The following NEGR1 variants were observed in gnomAD, a reference collection of about 807,000 sequenced individuals.
The protein encoded by NEGR1 is neuronal growth regulator 1.
NEGR1 carries 10 observed loss-of-function variants against 40.9 expected under a neutral mutation model. The ratio of observed to expected loss-of-function variants is 0.24; its 90% CI spans 0.15 to 0.42. NEGR1 has a LOEUF of 0.42. Among genes scored for constraint, NEGR1 ranks in the 10% least tolerant of loss-of-function variants. The pLI is 1.00. For missense variants in NEGR1, 352 were observed against 438.9 expected (o/e 0.80, Z 1.77); for synonymous variants, 185 against 166.8 (o/e 1.11, Z -0.84).
intron 1 of NEGR1, among the ~76,000 whole-genome samples, chr1:72,232,810 T>C (rs1408444992): frequency 7.2e-5 from 11 of 152,190 alleles, no homozygotes; most frequent in Admixed American, 7.2e-4. Context: ...AATTTTATTG[T>C]TACCACATAA....
intron 6 of NEGR1, among the ~76,000 whole-genome samples, chr1:71,421,648 C>T (rs1335020229): frequency 1.3e-5 from 2 of 152,030 alleles, no homozygotes; most frequent in African/African-American, 2.4e-5. Context: ...TTAATAGGAA[C>T]ATTTGGCATC....
At chr1:72,253,156 T>G (rs1570179453) in intron 1 of NEGR1, among the ~76,000 whole-genome samples, 1 of 152,112 alleles carries the variant, frequency 6.6e-6, no homozygotes, top group Non-Finnish European at 1.5e-5. Context: ...GGACAGAGGG[T>G]TTTTTTAAGA....
intron 6 of NEGR1, among the ~76,000 whole-genome samples, chr1:71,547,244 A>T (rs1246733981): frequency 6.6e-6 from 1 of 151,684 alleles, no homozygotes; most frequent in Non-Finnish European, 1.5e-5. Context: ...TTTACTGCCA[A>T]CTCCAAGCAA....
chr1:71,625,139 T>G (rs1257236012), intron 4 of NEGR1, among the ~76,000 whole-genome samples: 1 of 152,198 alleles, frequency 6.6e-6, no homozygotes, highest in African/African-American at 2.4e-5. Context: ...TAGAACATTT[T>G]TGTAGTATTA....
At chr1:71,767,103 A>T (rs562683562) in intron 3 of NEGR1, among the ~76,000 whole-genome samples, 1 of 152,278 alleles carries the variant, frequency 6.6e-6, no homozygotes, top group South Asian at 2.1e-4. Context: ...ATTGGTACTG[A>T]GGAGTAGGGC....
chr1:72,094,048 T>C (rs926120211), intron 1 of NEGR1, among the ~76,000 whole-genome samples: 3 of 152,178 alleles, frequency 2.0e-5, no homozygotes, highest in Non-Finnish European at 4.4e-5. Context: ...TTCTTTACAA[T>C]TTAATAATCA....
chr1:71,451,739 A>C (rs1383893065), intron 6 of NEGR1, among the ~76,000 whole-genome samples: 1 of 152,222 alleles, frequency 6.6e-6, no homozygotes, highest in African/African-American at 2.4e-5. Flanking sequence ...AGATTATGCT[A>C]CCAGTTTTAT....
At chr1:71,928,842 C>A (rs1051198920) in intron 2 of NEGR1, among the ~76,000 whole-genome samples, 2 of 151,830 alleles carry the variant, frequency 1.3e-5, no homozygotes, top group African/African-American at 4.8e-5. Flanking sequence ...GGTCTTTCAC[C>A]CTGTGATCAG....
At chr1:71,720,510 T>C (rs1055559587) in intron 3 of NEGR1, among the ~76,000 whole-genome samples, 22 of 152,156 alleles carry the variant, frequency 1.4e-4, no homozygotes, top group Non-Finnish European at 2.6e-4. Flanking sequence ...TTTTTTTCCC[T>C]AGAAACTCTT....
intron 1 of NEGR1, among the ~76,000 whole-genome samples, chr1:72,110,847 C>T (rs895703325): frequency 8.6e-5 from 13 of 150,826 alleles, no homozygotes; most frequent in East Asian, 2.0e-4. Context: ...ATATAAATTC[C>T]GACAATTTAT....
chr1:71,632,858 T>G (rs537191973), intron 4 of NEGR1, among the ~76,000 whole-genome samples: 1 of 151,974 alleles, frequency 6.6e-6, no homozygotes, highest in Non-Finnish European at 1.5e-5. Context: ...GGAAAGCATT[T>G]CCAAGATTAT....
At chr1:72,223,220 T>C (rs548312741) in intron 1 of NEGR1, among the ~76,000 whole-genome samples, 1 of 152,312 alleles carries the variant, frequency 6.6e-6, no homozygotes, top group African/African-American at 2.4e-5. Context: ...GTTCCACATT[T>C]ATGACCTACA....
At chr1:71,802,410 C>T (rs931414283) in intron 2 of NEGR1, among the ~76,000 whole-genome samples, 9 of 152,168 alleles carry the variant, frequency 5.9e-5, no homozygotes, top group Non-Finnish European at 1.2e-4. Context: ...TGTGATCATG[C>T]TTTATCCTAC....
At position 71,788,401 on chromosome 1, in the gene NEGR1, A is replaced by G. The variant is rs370321202; in HGVS notation, c.410-12104T>C. On this transcript the variant is annotated intron_variant, in intron 2 of 6. Coordinates refer to ENST00000357731, the MANE Select transcript of NEGR1 (RefSeq NM_173808.3). ...TATTATATTCAAAAGTATATAAATT[A>G]TTGAAATGCTATGCCTACTGCCAAG... is the stretch of plus-strand genomic sequence containing the variant. Among the ~76,000 whole-genome samples, 20 of 152,244 alleles carry G rather than the reference A, an allele frequency of 1.3e-4. No individual in the cohort carries two copies. The South Asian group carries it at 4.1e-3, about 32-fold the overall frequency.
At chr1:71,887,501 T>C (rs564043715) in intron 2 of NEGR1, among the ~76,000 whole-genome samples, 2 of 152,322 alleles carry the variant, frequency 1.3e-5, no homozygotes, top group African/African-American at 2.4e-5. Context: ...AATTTTCATT[T>C]TTTAATTTAT....
intron 1 of NEGR1, among the ~76,000 whole-genome samples, chr1:72,014,809 T>A (rs1646694312): frequency 6.6e-6 from 1 of 152,066 alleles, no homozygotes; most frequent in African/African-American, 2.4e-5. Context: ...AAATACCTAC[T>A]ATTTATTTAT....
intron 1 of NEGR1, among the ~76,000 whole-genome samples, chr1:71,983,743 T>G (rs78682238): frequency 0.033 from 5,075 of 152,314 alleles, 114 homozygotes; most frequent in Non-Finnish European, 0.053. Context: ...TGCATACATG[T>G]ACAACTGTGC....
At chr1:71,713,522 T>A (rs1259309767) in intron 3 of NEGR1, among the ~76,000 whole-genome samples, 1 of 152,184 alleles carries the variant, frequency 6.6e-6, no homozygotes. Context: ...TAAATAAGAA[T>A]ATAAAGACAC....
intron 2 of NEGR1, among the ~76,000 whole-genome samples, chr1:71,932,569 T>G (rs897822830): frequency 6.6e-6 from 1 of 152,098 alleles, no homozygotes; most frequent in Admixed American, 6.6e-5. Context: ...GTGTTGATAA[T>G]ATATCCCCTT....
Sources: allele counts gnomAD v4.1 joint callset (sites outside exome capture counted in the v4.1 genomes callset), GRCh38; gene constraint gnomAD v4.1.1; transcripts MANE v1.5; gene names NCBI Gene and HGNC (gene_info 2026-07-23, HGNC 2026-07-21).